Variants in CMTR1 observed in about 807,000 individuals in gnomAD.
The protein encoded by CMTR1 is cap methyltransferase 1.
A neutral mutation model predicts 107.0 loss-of-function variants in CMTR1; 39 were observed. The ratio of observed to expected loss-of-function variants is 0.36; its 90% CI spans 0.28 to 0.48. CMTR1 has a LOEUF of 0.48. Ranked by LOEUF, CMTR1 falls within the 20% of genes least tolerant of loss-of-function variation. The probability of loss-of-function intolerance (pLI) is 0.99; values close to 1 mark genes in which losing one functional copy is unlikely to be tolerated. For synonymous variants in CMTR1, 366 were observed against 379.5 expected, an observed-to-expected ratio of 0.96 and a Z score of 0.41; for missense variants, 672 against 1,064.9, an observed-to-expected ratio of 0.63 and a Z score of 5.14.
rs761221179 is a variant in CMTR1, at chr6:37,453,087, C to G, written c.650C>G (p.Ala217Gly). The G allele has an allele frequency of 1.9e-6, 3 of 1,613,988 alleles. No individual in the cohort carries two copies. In the East Asian group the frequency reaches 6.7e-5, roughly 36 times the overall value. The change falls in exon 7 of 24, where the codon GCT (alanine) becomes GGT (glycine). Residue 217 changes from alanine (A) to glycine (G), a missense_variant. Transcript: ENST00000373451. ...DVLDGEEMRR[A>G]RTRANPYEMI... ...TTGGATGGGGAAGAGATGCGGCGAG[C>G]TCGGACTCGGGCCAATCCCTATGAG...
At chr6:37,428,952 T>C (rs1306479315), upstream of CMTR1, among the ~76,000 whole-genome samples, 2 of 152,252 alleles carry the variant, frequency 1.3e-5, no homozygotes, top group Non-Finnish European at 2.9e-5. Context: ...TGCCATTGTT[T>C]GGAAGTGTTT....
Position 37,445,754 on chromosome 6 carries a change from A to T in CMTR1, c.286-537A>T, listed in dbSNP as rs1771780719. On this transcript the variant is annotated intron_variant, in intron 3 of 23. Coordinates refer to ENST00000373451, the MANE Select transcript of CMTR1 (RefSeq NM_015050.3). ...GTGATCCGCCCTTCTCGGCCTCCCA[A>T]AGTGCTGGGATTACAGACTTGAGCC... Among the ~76,000 whole-genome samples, 4 of 149,898 alleles carry T rather than the reference A, an allele frequency of 2.7e-5. No homozygotes were observed. In the South Asian group the frequency reaches 8.3e-4, roughly 31 times the overall value.
chr6:37,447,740 A>C (rs916426259), intron 4 of CMTR1, among the ~76,000 whole-genome samples: 1 of 152,078 alleles, frequency 6.6e-6, no homozygotes, highest in Non-Finnish European at 1.5e-5. Flanking sequence ...CACACCTGTA[A>C]TTCCAGCTGC....
At chr6:37,477,727 GTCGGGGGC>G in intron 21 of CMTR1, 88 bp downstream of exon 21, 1 of 398,278 alleles carries the variant, frequency 2.5e-6, no homozygotes, top group Admixed American at 3.3e-5. Context: ...CATAAGATGG[GTCGGGGGC>G]GGGGGGTGGT....
At chr6:37,465,482 T>C (rs1342475727) in intron 13 of CMTR1, among the ~76,000 whole-genome samples, 2 of 152,226 alleles carry the variant, frequency 1.3e-5, no homozygotes, top group Admixed American at 1.3e-4. Flanking sequence ...CCCCTTTTTA[T>C]GTGCTTATTG....
At chr6:37,459,489 T>A in intron 9 of CMTR1, 77 bp from the exon 10 acceptor site, 1 of 1,251,680 alleles carries the variant, frequency 8.0e-7, no homozygotes, top group South Asian at 1.2e-5. Flanking sequence ...CCGTCTTCAC[T>A]GACCCAGAGC....
rs1581751747 is a variant in CMTR1 at position 37,472,185 on chromosome 6, C to T, written c.1621-234C>T. Among the ~76,000 whole-genome samples, 1 of 152,262 alleles carries T rather than the reference C, an allele frequency of 6.6e-6. No individual in the cohort carries two copies. The highest frequency in any genetic ancestry group is 1.9e-4 in the East Asian group (1 of 5,176). Reference sequence around the variant, plus strand: ...CAACTGGTGGCCCCTTGTAGCAGCACTGACAACAGAGAGCCCCAGAGAAAA... The same window carrying T: ...CAACTGGTGGCCCCTTGTAGCAGCATTGACAACAGAGAGCCCCAGAGAAAA... On this transcript the variant is annotated intron_variant, in intron 15 of 23. Coordinates refer to ENST00000373451, the MANE Select transcript of CMTR1 (RefSeq NM_015050.3). The surrounding 1 kb of genome is among the most constrained non-coding windows in gnomAD (Gnocchi z 4.1).
At chr6:37,431,207 T>G (rs1771358550), upstream of CMTR1, among the ~76,000 whole-genome samples, 1 of 152,200 alleles carries the variant, frequency 6.6e-6, no homozygotes, top group Non-Finnish European at 1.5e-5. Flanking sequence ...ATTTGCTAAA[T>G]ATGTTAACTT....
rs1203515719 is a variant in CMTR1 at position 37,440,588 on chromosome 6, A to G, written c.134-3411A>G. On this transcript the variant is annotated intron_variant, in intron 2 of 23. Transcript: ENST00000373451. ...AGTAGGGTGATATTTTACTCCCATT[A>G]ACCTCACTCTTAGAACCTGGAAAGG... is the stretch of plus-strand genomic sequence containing the variant. 3.3e-5 allele frequency among the ~76,000 whole-genome samples: 5 copies of G among 152,318 alleles called. No individual in the cohort carries two copies. In the East Asian group the frequency reaches 9.6e-4, roughly 29 times the overall value.
chr6:37,429,585 TG>T (rs1447747059), upstream of CMTR1, among the ~76,000 whole-genome samples: 1 of 152,218 alleles, frequency 6.6e-6, no homozygotes, highest in Non-Finnish European at 1.5e-5. Flanking sequence ...GGTTACAGTT[TG>T]GCATTTGCCT....
At chr6:37,448,377 G>A (rs971873662) in intron 4 of CMTR1, among the ~76,000 whole-genome samples, 4 of 152,098 alleles carry the variant, frequency 2.6e-5, no homozygotes, top group African/African-American at 9.7e-5. Flanking sequence ...TGACCCTCTG[G>A]ATAAAGTCCA....
At chr6:37,428,925 T>G (rs1458624928), upstream of CMTR1, among the ~76,000 whole-genome samples, 2 of 152,250 alleles carry the variant, frequency 1.3e-5, no homozygotes, top group African/African-American at 4.8e-5. Context: ...TTTTTGAGTC[T>G]GTAAATTCAT....
intron 8 of CMTR1, among the ~76,000 whole-genome samples, chr6:37,456,021 A>G (rs541205257): frequency 8.5e-5 from 13 of 152,348 alleles, no homozygotes; most frequent in Admixed American, 4.6e-4. Context: ...GCCATGACCT[A>G]TAAGGGCCAT....
chr6:37,438,154 C>T (rs182291475), intron 2 of CMTR1, among the ~76,000 whole-genome samples: 27 of 152,126 alleles, frequency 1.8e-4, no homozygotes, highest in South Asian at 1.2e-3. Context: ...TCAAGGTGGG[C>T]GGATTGCTTG....
At chr6:37,462,688 G>A in intron 12 of CMTR1, 141 bp from the exon 13 acceptor site, 1 of 709,758 alleles carries the variant, frequency 1.4e-6, no homozygotes, top group South Asian at 1.8e-5. Context: ...CACCACAAAG[G>A]GTCTGTGTTG....
intron 20 of CMTR1, 112 bp downstream of exon 20, chr6:37,476,306 G>C: frequency 9.2e-7 from 1 of 1,087,800 alleles, no homozygotes; most frequent in Non-Finnish European, 1.4e-6. Flanking sequence ...GGGTGTTAGA[G>C]ACAAGACCAT....
At chr6:37,444,374 G>A (rs1771738291) in intron 3 of CMTR1, among the ~76,000 whole-genome samples, 1 of 152,076 alleles carries the variant, frequency 6.6e-6, no homozygotes, top group Non-Finnish European at 1.5e-5. Flanking sequence ...TGTTCTATCT[G>A]GACTGGATCA....
At chr6:37,446,474 T>C (rs762669448) in intron 4 of CMTR1, 25 bp downstream of exon 4, 23 of 1,594,408 alleles carry the variant, frequency 1.4e-5, no homozygotes, top group Non-Finnish European at 2.0e-5. Flanking sequence ...GAGGAGGAGA[T>C]GGAAAAGCCA....
intron 10 of CMTR1, among the ~76,000 whole-genome samples, chr6:37,460,031 A>G (rs190073204): frequency 1.2e-4 from 19 of 152,322 alleles, no homozygotes; most frequent in Non-Finnish European, 2.2e-4. Context: ...GGGCTGGGTT[A>G]AAGTGAATGT....
Sources: gnomAD v4.1 joint callset for allele counts (sites outside exome capture counted in the v4.1 genomes callset) on GRCh38, gnomAD v4.1.1 for gene constraint, Gnocchi (gnomAD v3.1) non-coding constraint, MANE v1.5 for transcripts, NCBI Gene and HGNC (gene_info 2026-07-23, HGNC 2026-07-21) for gene names.